VRK3: variants seen among roughly 807,000 people sequenced by gnomAD.
The protein encoded by VRK3 is VRK serine/threonine kinase 3.
Under a neutral mutation model 60.4 loss-of-function variants are expected in VRK3, and 50 were observed. The ratio of observed to expected loss-of-function variants is 0.83; its 90% CI spans 0.66 to 1.05. The LOEUF is 1.05. VRK3 is among the 50% of genes least tolerant of loss of function. The pLI is 0.00. For missense variants in VRK3, 549 were observed against 585.3 expected (o/e 0.94, Z 0.64); for synonymous variants, 246 against 227.8 (o/e 1.08, Z -0.72).
intron 1 of VRK3, among the ~76,000 whole-genome samples, chr19:50,022,617 C>T (rs900857829): frequency 6.6e-6 from 1 of 151,164 alleles, no homozygotes; most frequent in African/African-American, 2.5e-5. Flanking sequence ...GAAACCCCGT[C>T]TCTACTAAAA....
At chr19:49,982,118 G>A (rs117377492) in intron 12 of VRK3, 12,016 of 702,872 alleles carry the variant, frequency 0.017, 605 homozygotes, top group East Asian at 0.1. Flanking sequence ...ACTGCAAACT[G>A]CTGACGGTGA....
intron 12 of VRK3, among the ~76,000 whole-genome samples, chr19:49,984,604 AGTT>A (rs2076481403): frequency 6.6e-6 from 1 of 152,006 alleles, no homozygotes; most frequent in Non-Finnish European, 1.5e-5. Context: ...TTCACTCCTT[AGTT>A]GTTCTTCATT....
chr19:49,991,456 T>C (rs2076609986), intron 10 of VRK3, among the ~76,000 whole-genome samples: 1 of 152,014 alleles, frequency 6.6e-6, no homozygotes, highest in Admixed American at 6.5e-5. Context: ...GATTGCAAAC[T>C]GAAGAATCTC....
chr19:49,981,268 C>A (rs1038723459), intron 12 of VRK3: 1 of 511,828 alleles, frequency 2.0e-6, no homozygotes, highest in Admixed American at 3.3e-5. Context: ...TTGTTTTGGC[C>A]GGGCACAGTG....
chr19:50,020,025 C>T (rs11673372), intron 2 of VRK3, among the ~76,000 whole-genome samples: 9,632 of 151,378 alleles, frequency 0.064, 581 homozygotes, highest in East Asian at 0.27. Flanking sequence ...TACAGGTATG[C>T]GCTACCACAC....
intron 3 of VRK3, among the ~76,000 whole-genome samples, chr19:50,011,425 A>G (rs1460780916): frequency 6.6e-6 from 1 of 152,222 alleles, no homozygotes; most frequent in Non-Finnish European, 1.5e-5. Context: ...TAACTCAGCC[A>G]GCATGGTTGG....
At chr19:50,015,926 G>T in intron 3 of VRK3, 98 bp downstream of exon 3, 1 of 1,536,738 alleles carries the variant, frequency 6.5e-7, no homozygotes, top group Non-Finnish European at 8.9e-7. Flanking sequence ...TGTCAGGACA[G>T]GGTCAGACAG....
At chr19:50,012,653 C>T (rs887176998) in intron 3 of VRK3, among the ~76,000 whole-genome samples, 1 of 152,062 alleles carries the variant, frequency 6.6e-6, no homozygotes, top group Non-Finnish European at 1.5e-5. Context: ...AATCCCAACA[C>T]TTTGGGAGGC....
At chr19:50,014,849 T>C (rs1004684049) in intron 3 of VRK3, among the ~76,000 whole-genome samples, 5 of 152,030 alleles carry the variant, frequency 3.3e-5, no homozygotes, top group African/African-American at 1.2e-4. Context: ...ATTCACAGGA[T>C]CTCTCTGGTG....
intron 3 of VRK3, among the ~76,000 whole-genome samples, chr19:50,010,553 G>T (rs2076977441): frequency 6.6e-6 from 1 of 152,184 alleles, no homozygotes; most frequent in Non-Finnish European, 1.5e-5. Flanking sequence ...TTGCATTTTG[G>T]GGGACCACAC....
At chr19:50,017,137 T>C (rs1224874640) in intron 2 of VRK3, among the ~76,000 whole-genome samples, 1 of 151,814 alleles carries the variant, frequency 6.6e-6, no homozygotes, top group African/African-American at 2.4e-5. Context: ...GAGGTTGCAG[T>C]GAACCAAGAT....
intron 6 of VRK3, chr19:50,000,470 C>T: frequency 5.0e-6 from 2 of 396,428 alleles, no homozygotes; most frequent in Non-Finnish European, 9.3e-6. Context: ...TGGTAGGGGG[C>T]AGATGGGCCA....
intron 5 of VRK3, among the ~76,000 whole-genome samples, chr19:50,003,955 C>T (rs376330347): frequency 3.3e-5 from 5 of 152,250 alleles, no homozygotes; most frequent in East Asian, 3.8e-4. Flanking sequence ...AATCCCAACA[C>T]TTTGGGAGGC....
intron 2 of VRK3, chr19:50,019,165 TAAAAAAAAAAAAAA>T (rs199546751): frequency 1.3e-5 from 1 of 79,050 alleles, no homozygotes; most frequent in South Asian, 4.1e-4. Context: ...ACTCCGTCTC[TAAAAAAAAAAAAAA>T]AAAAAAAAGA....
intron 6 of VRK3, chr19:49,997,947 G>C (rs1418731715): frequency 1.8e-5 from 3 of 162,316 alleles, no homozygotes; most frequent in Non-Finnish European, 2.7e-5. Flanking sequence ...GCTGGGACAG[G>C]CTCTACCTTT....
intron 3 of VRK3, 67 bp downstream of exon 3, chr19:50,015,957 C>T: frequency 1.9e-6 from 3 of 1,598,850 alleles, no homozygotes; most frequent in Non-Finnish European, 2.6e-6. Flanking sequence ...CATCCTCCCT[C>T]CGCAGACACA....
rs2076729620 is a variant in VRK3, at chr19:49,997,686, A to G, written c.613-116T>C. On this transcript the variant is annotated intron_variant, in intron 6 of 14. Transcript: ENST00000316763. ...TGACCAGGCTCCTCATCAAGTCCCC[A>G]CATCGGAGCCAAATTCCTCAGGTAC... The G allele has an allele frequency of 1.4e-5, 16 of 1,124,732 alleles. No homozygotes were observed. The East Asian group carries it at 4.1e-4, about 29-fold the overall frequency. The allele number at this position is 1,124,732 out of a possible 1,614,324, so 69.7% of individuals were successfully genotyped here. A position where few individuals can be genotyped will look rare whatever the true frequency, so the allele number is the denominator to read the frequency against.
At chr19:50,010,867 T>G (rs889484523) in intron 3 of VRK3, among the ~76,000 whole-genome samples, 1 of 152,022 alleles carries the variant, frequency 6.6e-6, no homozygotes, top group Non-Finnish European at 1.5e-5. Context: ...GAGCCAAGAT[T>G]ACACCACTGC....
intron 4 of VRK3, among the ~76,000 whole-genome samples, 158 bp downstream of exon 4, chr19:50,009,078 G>C (rs1326038520): frequency 5.3e-5 from 8 of 152,158 alleles, no homozygotes; most frequent in Admixed American, 2.6e-4. Context: ...AGGCAGACTG[G>C]AGGGGGAGAT....
Sources: gnomAD v4.1 joint callset for allele counts (sites outside exome capture counted in the v4.1 genomes callset) on GRCh38, gnomAD v4.1.1 for gene constraint, MANE v1.5 for transcripts, NCBI Gene and HGNC (gene_info 2026-07-23, HGNC 2026-07-21) for gene names.